Variants in NRXN3 observed in about 807,000 individuals in gnomAD.
The protein encoded by NRXN3 is neurexin III.
In NRXN3, 32 loss-of-function variants were observed where a neutral mutation model predicts 137.6. The ratio of observed to expected loss-of-function variants is 0.23; its 90% CI spans 0.18 to 0.31. The LOEUF (loss-of-function observed/expected upper bound fraction) is 0.31. NRXN3 is among the 10% of genes least tolerant of loss of function. NRXN3 has a pLI of 1.00. For synonymous variants in NRXN3, 798 were observed against 784.5 expected (o/e 1.02, Z -0.29); for missense variants, 1,574 against 2,062.5 (o/e 0.76, Z 4.59).
chr14:78,182,898 G>A (rs2059934599), intron 1 of NRXN3, among the ~76,000 whole-genome samples: 1 of 152,214 alleles, frequency 6.6e-6, no homozygotes, highest in South Asian at 2.1e-4. Flanking sequence ...GCAGCTGGGT[G>A]TGGCAGAGCT....
chr14:78,898,192 T>C (rs2099184010), intron 10 of NRXN3, among the ~76,000 whole-genome samples: 1 of 151,972 alleles, frequency 6.6e-6, no homozygotes, highest in African/African-American at 2.4e-5. Flanking sequence ...GTTGGTGATA[T>C]ATTTATTAAG....
chr14:79,273,928 C>T (rs1197644684), intron 15 of NRXN3, among the ~76,000 whole-genome samples: 1 of 151,602 alleles, frequency 6.6e-6, no homozygotes, highest in Non-Finnish European at 1.5e-5. Flanking sequence ...AACCCTGTCT[C>T]TACTAAATAT....
At chr14:78,559,178 A>G (rs1347896774) in intron 4 of NRXN3, among the ~76,000 whole-genome samples, 1 of 152,176 alleles carries the variant, frequency 6.6e-6, no homozygotes, top group Non-Finnish European at 1.5e-5. Context: ...ACCCATTACA[A>G]TAGCTTTTAT....
chr14:78,288,718 A>G (rs1331654951), intron 3 of NRXN3, among the ~76,000 whole-genome samples: 3 of 152,184 alleles, frequency 2.0e-5, no homozygotes, highest in Non-Finnish European at 4.4e-5. Flanking sequence ...TGGCCCCTAG[A>G]GTGATGGCAT....
chr14:79,508,407 A>ATTTTTTTTTTTTT (rs1567329223), intron 16 of NRXN3, among the ~76,000 whole-genome samples: 1 of 58,572 alleles, frequency 1.7e-5, no homozygotes, highest in African/African-American at 5.9e-5. Flanking sequence ...TTTTTTTTTT[A>ATTTTTTTTTTTTT]AGACAGAGTC....
intron 20 of NRXN3, among the ~76,000 whole-genome samples, chr14:79,836,633 T>C (rs1469211960): frequency 6.6e-6 from 1 of 152,158 alleles, no homozygotes; most frequent in East Asian, 1.9e-4. Context: ...TGCTGTGCCA[T>C]CTCTGAACAT....
chr14:78,532,928 A>G (rs1396942576), intron 4 of NRXN3, among the ~76,000 whole-genome samples: 1 of 152,004 alleles, frequency 6.6e-6, no homozygotes, highest in African/African-American at 2.4e-5. Flanking sequence ...CTGTCTCAGA[A>G]ACGTCACATC....
At chr14:79,030,633 G>GCC (rs2099606323) in intron 15 of NRXN3, among the ~76,000 whole-genome samples, 1 of 34,262 alleles carries the variant, frequency 2.9e-5, no homozygotes, top group Non-Finnish European at 5.3e-5. Flanking sequence ...CTTTCTCTGT[G>GCC]TCTTTTTTTT....
chr14:79,527,450 G>A (rs2097130986), intron 16 of NRXN3, among the ~76,000 whole-genome samples: 1 of 152,040 alleles, frequency 6.6e-6, no homozygotes, highest in East Asian at 1.9e-4. Context: ...AAAAAGCATG[G>A]AAGAAATACT....
intron 6 of NRXN3, among the ~76,000 whole-genome samples, chr14:78,682,189 A>C (rs2098083520): frequency 6.6e-6 from 1 of 151,940 alleles, no homozygotes; most frequent in East Asian, 2.0e-4. Flanking sequence ...TTGTTGGTTC[A>C]TTCCAGTGCT....
chr14:79,553,600 G>T (rs1418835388), intron 16 of NRXN3, among the ~76,000 whole-genome samples: 1 of 152,130 alleles, frequency 6.6e-6, no homozygotes, highest in Non-Finnish European at 1.5e-5. Context: ...ACTGACATTT[G>T]AGAGTTAGCA....
At chr14:79,034,020 A>G (rs2099611982) in intron 15 of NRXN3, among the ~76,000 whole-genome samples, 1 of 152,078 alleles carries the variant, frequency 6.6e-6, no homozygotes, top group African/African-American at 2.4e-5. Context: ...ACAGCCCCAA[A>G]TTTCACTGGT....
intron 15 of NRXN3, among the ~76,000 whole-genome samples, chr14:79,026,547 A>G (rs376725728): frequency 1.1e-4 from 16 of 152,232 alleles, no homozygotes; most frequent in Admixed American, 2.0e-4. Context: ...CAATGAAGAC[A>G]ATATCTGCCA....
chr14:79,635,689 G>C (rs116552363), intron 16 of NRXN3, among the ~76,000 whole-genome samples: 106 of 152,268 alleles, frequency 7.0e-4, no homozygotes, highest in African/African-American at 2.5e-3. Flanking sequence ...CGTTTTCCCT[G>C]TGTGTCTGTA....
chr14:79,720,552 C>T (rs1442494058), intron 19 of NRXN3, among the ~76,000 whole-genome samples: 1 of 151,982 alleles, frequency 6.6e-6, no homozygotes, highest in African/African-American at 2.4e-5. Context: ...CCTATTAAAC[C>T]TTTCTCGATG....
intron 15 of NRXN3, among the ~76,000 whole-genome samples, chr14:79,210,255 T>G (rs1187783080): frequency 6.6e-6 from 1 of 152,192 alleles, no homozygotes; most frequent in Admixed American, 6.5e-5. Flanking sequence ...TATTTTGAGA[T>G]CAAGTGCTAA....
At chr14:79,282,599 A>C (rs1469242561) in intron 15 of NRXN3, among the ~76,000 whole-genome samples, 1 of 152,102 alleles carries the variant, frequency 6.6e-6, no homozygotes, top group Non-Finnish European at 1.5e-5. Context: ...AGTCTCCTTT[A>C]AATCTTTTTG....
At chr14:78,176,559 G>A (rs1362901465) in intron 1 of NRXN3, among the ~76,000 whole-genome samples, 1 of 152,034 alleles carries the variant, frequency 6.6e-6, no homozygotes, top group Non-Finnish European at 1.5e-5. Context: ...TTATGTTATA[G>A]TGTTAGAGGA....
At chr14:78,177,276 A>G (rs890546304) in intron 1 of NRXN3, among the ~76,000 whole-genome samples, 17 of 152,124 alleles carry the variant, frequency 1.1e-4, no homozygotes, top group South Asian at 2.1e-4. Context: ...ATGTCATACA[A>G]TATGGGTGAA....
Sources: gnomAD v4.1 joint callset for allele counts (sites outside exome capture counted in the v4.1 genomes callset) on GRCh38, gnomAD v4.1.1 for gene constraint, MANE v1.5 for transcripts, NCBI Gene and HGNC (gene_info 2026-07-23, HGNC 2026-07-21) for gene names.